Variants in TSNARE1 observed in about 807,000 individuals in gnomAD.
The protein encoded by TSNARE1 is t-SNARE domain containing 1.
In TSNARE1, 49 loss-of-function variants were observed where a neutral mutation model predicts 62.0. That is an observed-to-expected ratio of 0.79 (90% confidence interval 0.63 to 1.00). The LOEUF is 1.00. Ranked by LOEUF, TSNARE1 falls within the 50% of genes least tolerant of loss-of-function variation. The pLI is 0.00. For missense variants in TSNARE1, 755 were observed against 700.1 expected, an observed-to-expected ratio of 1.08 and a Z score of -0.88; for synonymous variants, 328 against 294.4, an observed-to-expected ratio of 1.11 and a Z score of -1.17.
At chr8:142,270,221 G>C (rs1819398851) in intron 12 of TSNARE1, 3 of 985,150 alleles carry the variant, frequency 3.0e-6, no homozygotes, top group South Asian at 9.4e-5. Context: ...GCCCCGCCAA[G>C]GGATCTCCCA....
chr8:142,398,933 T>C (rs1027969414), intron 1 of TSNARE1, among the ~76,000 whole-genome samples: 1 of 151,918 alleles, frequency 6.6e-6, no homozygotes, highest in African/African-American at 2.4e-5. Context: ...TTCACCCCCA[T>C]CCCAGACTCA....
At chr8:142,242,938 A>C in intron 12 of TSNARE1, among the ~76,000 whole-genome samples, 1 of 116,320 alleles carries the variant, frequency 8.6e-6, no homozygotes, top group African/African-American at 3.7e-5. Flanking sequence ...CAAGAGTGAA[A>C]CTCTGTCTCA....
intron 13 of TSNARE1, among the ~76,000 whole-genome samples, chr8:142,223,105 CTCACTCGT>C (rs1386182367): frequency 2.2e-5 from 3 of 136,792 alleles, no homozygotes; most frequent in Non-Finnish European, 1.5e-5. Flanking sequence ...CACTCATTCA[CTCACTCGT>C]TCACTCATTC....
At chr8:142,294,997 C>T (rs990182009) in intron 10 of TSNARE1, among the ~76,000 whole-genome samples, 4 of 152,166 alleles carry the variant, frequency 2.6e-5, no homozygotes, top group African/African-American at 9.7e-5. Context: ...CTGGGAGGCT[C>T]GGGGCTCCAG....
At chr8:142,323,557 C>T (rs1829792817) in intron 6 of TSNARE1, among the ~76,000 whole-genome samples, 1 of 152,232 alleles carries the variant, frequency 6.6e-6, no homozygotes, top group South Asian at 2.1e-4. Context: ...AGTGTGGGTC[C>T]CACTGGAGGG....
intron 12 of TSNARE1, chr8:142,269,592 G>A (rs1819345463): frequency 1.0e-6 from 1 of 984,892 alleles, no homozygotes; most frequent in Non-Finnish European, 1.2e-6. Context: ...GCCTCCCAAA[G>A]TGCTGTGATT....
intron 11 of TSNARE1, chr8:142,280,220 C>A (rs997043118): frequency 1.9e-4 from 192 of 985,244 alleles, no homozygotes; most frequent in Non-Finnish European, 2.3e-4. Flanking sequence ...GAGTGGGGGC[C>A]CGGCCGCAGG....
At position 142,330,882 on chromosome 8, in the gene TSNARE1, C is replaced by T. The variant is rs370676520; in HGVS notation, c.893+19G>A. The T allele has an allele frequency of 1.2e-5, 20 of 1,613,544 alleles. No individual in the cohort carries two copies. In the African/African-American group the frequency reaches 1.3e-4, roughly 11 times the overall value. Reference sequence around the variant, plus strand: ...TGCACCACGCCCAGGCAAAGAGATACCATGGCCCACACACTCACAGGCTGT... The same window carrying T: ...TGCACCACGCCCAGGCAAAGAGATATCATGGCCCACACACTCACAGGCTGT... On this transcript the variant is annotated intron_variant, in intron 6 of 13. Transcript: ENST00000524325.
rs1299670472 is a variant in TSNARE1 at position 142,276,615 on chromosome 8, A to G, written c.1364-1752T>C. On this transcript the variant is annotated intron_variant, in intron 11 of 13. Coordinates refer to ENST00000524325, the MANE Select transcript of TSNARE1 (RefSeq NM_145003.5). ...GACAGGCCATGTGCCCTGGCTGGAC[A>G]CTTTCTCTGCCCCGTGACCACACGC... is the stretch of plus-strand genomic sequence containing the variant. 7.1e-6 allele frequency: 7 copies of G among 985,248 alleles called. No homozygotes were observed. The African/African-American group carries it at 1.2e-4, about 17-fold the overall frequency. 61.0% of individuals were successfully genotyped at this position (985,248 alleles called of 1,614,324 possible).
intron 11 of TSNARE1, chr8:142,276,984 G>A (rs1820601390): frequency 1.0e-6 from 1 of 985,472 alleles, no homozygotes. Flanking sequence ...CAAGGGGAGG[G>A]GGGCTGCTCC....
intron 10 of TSNARE1, among the ~76,000 whole-genome samples, chr8:142,289,707 A>T (rs1407799708): frequency 6.6e-6 from 1 of 152,184 alleles, no homozygotes; most frequent in Non-Finnish European, 1.5e-5. Context: ...GGGAGCAGGG[A>T]GCCTGAGGCA....
chr8:142,308,878 C>T lies in TSNARE1; in HGVS notation c.1131+5506G>A, dbSNP rs561177929. On this transcript the variant is annotated intron_variant, in intron 9 of 13. Coordinates refer to ENST00000524325, the MANE Select transcript of TSNARE1 (RefSeq NM_145003.5). ...GTGAGAGCTGACATCTCCATACACA[C>T]GGTATCCCCTCCATGGTTTAGATCA... 5.3e-5 allele frequency among the ~76,000 whole-genome samples: 8 copies of T among 152,242 alleles called. No individual in the cohort carries two copies. The South Asian group carries it at 1.0e-3, about 20-fold the overall frequency.
intron 12 of TSNARE1, among the ~76,000 whole-genome samples, chr8:142,232,741 G>A (rs1036315104): frequency 6.6e-6 from 1 of 152,224 alleles, no homozygotes; most frequent in African/African-American, 2.4e-5. Flanking sequence ...AGAGGCGGGC[G>A]CAGGCGATGA....
chr8:142,258,131 G>A (rs377132688), intron 12 of TSNARE1, among the ~76,000 whole-genome samples: 9 of 152,252 alleles, frequency 5.9e-5, no homozygotes, highest in East Asian at 1.9e-4. Context: ...AGGCACACGC[G>A]AAGGCACACA....
intron 1 of TSNARE1, among the ~76,000 whole-genome samples, chr8:142,391,781 C>T (rs966408909): frequency 2.6e-5 from 4 of 152,244 alleles, no homozygotes; most frequent in Non-Finnish European, 2.9e-5. Context: ...GACCCATGTT[C>T]GCTCACCCAC....
chr8:142,318,467 G>A (rs1828928127), intron 7 of TSNARE1, 77 bp downstream of exon 7: 9 of 1,425,714 alleles, frequency 6.3e-6, no homozygotes, highest in Admixed American at 1.8e-5. Context: ...CCTGCCTCGT[G>A]TGACATCCCT....
intron 1 of TSNARE1, among the ~76,000 whole-genome samples, chr8:142,401,082 CACCT>C (rs1838257295): frequency 2.0e-5 from 3 of 152,206 alleles, no homozygotes; most frequent in Non-Finnish European, 4.4e-5. Context: ...CTTTCCTCCC[CACCT>C]GGAAGGTGAC....
At chr8:142,302,067 G>A (rs528539543) in intron 9 of TSNARE1, among the ~76,000 whole-genome samples, 5 of 152,112 alleles carry the variant, frequency 3.3e-5, no homozygotes, top group Middle Eastern at 3.2e-3. Context: ...CTGGGGCACC[G>A]TAATGACCCC....
chr8:142,348,336 G>A (rs1833646188), intron 2 of TSNARE1, among the ~76,000 whole-genome samples: 2 of 152,268 alleles, frequency 1.3e-5, no homozygotes. Context: ...TCTCCCTAAA[G>A]CCAGATGCTT....
Sources: gnomAD v4.1 joint callset for allele counts (sites outside exome capture counted in the v4.1 genomes callset) on GRCh38, gnomAD v4.1.1 for gene constraint, MANE v1.5 for transcripts, NCBI Gene and HGNC (gene_info 2026-07-23, HGNC 2026-07-21) for gene names.